Variants in SLC8A1 observed in about 807,000 individuals in gnomAD.
SLC8A1 encodes the protein sodium/calcium exchanger 1.
In SLC8A1, 18 loss-of-function variants were observed where a neutral mutation model predicts 68.3. That is an observed-to-expected ratio of 0.26 (90% confidence interval 0.18 to 0.39). The LOEUF (loss-of-function observed/expected upper bound fraction) is 0.39. SLC8A1 is among the 10% of genes least tolerant of loss of function. The pLI, the probability that SLC8A1 is intolerant of heterozygous loss-of-function variation, is 1.00. For synonymous variants in SLC8A1, 475 were observed against 415.5 expected (o/e 1.14, Z -1.74); for missense variants, 985 against 1,156.7 (o/e 0.85, Z 2.15).
chr2:40,450,263 T>C (rs1702189537), intron 1 of SLC8A1, among the ~76,000 whole-genome samples: 1 of 152,176 alleles, frequency 6.6e-6, no homozygotes, highest in South Asian at 2.1e-4. Context: ...TCTTCTTATT[T>C]GAAATGAATG....
exon 8 of SLC8A1, chr2:40,104,842 G>A (rs1027743767): frequency 4.6e-5 from 7 of 151,984 alleles, no homozygotes; most frequent in Non-Finnish European, 7.4e-5. Context: ...TGGAAAACAC[G>A]CTTGCTAAAC....
chr2:40,227,100 T>A (rs2059079422), intron 2 of SLC8A1, among the ~76,000 whole-genome samples: 1 of 152,164 alleles, frequency 6.6e-6, no homozygotes, highest in Non-Finnish European at 1.5e-5. Context: ...TTATTCTGGC[T>A]GGGTATCAAA....
intron 2 of SLC8A1, among the ~76,000 whole-genome samples, chr2:40,409,849 A>G (rs1691541311): frequency 6.6e-6 from 1 of 152,136 alleles, no homozygotes. Flanking sequence ...TTTGCCTTCA[A>G]TTTCATTACT....
intron 2 of SLC8A1, among the ~76,000 whole-genome samples, chr2:40,301,074 A>C (rs1428936180): frequency 6.6e-6 from 1 of 152,168 alleles, no homozygotes; most frequent in Non-Finnish European, 1.5e-5. Context: ...CAGAGGGCTG[A>C]AGATAGGTGG....
intron 1 of SLC8A1, among the ~76,000 whole-genome samples, chr2:40,448,871 T>A (rs1006562867): frequency 6.6e-6 from 1 of 152,116 alleles, no homozygotes; most frequent in African/African-American, 2.4e-5. Flanking sequence ...AGTAGAGAGA[T>A]AATAGCATGT....
intron 2 of SLC8A1, among the ~76,000 whole-genome samples, chr2:40,397,026 TTGC>T (rs1266544390): frequency 6.6e-6 from 1 of 152,158 alleles, no homozygotes; most frequent in Non-Finnish European, 1.5e-5. Flanking sequence ...TAACTGAAAG[TTGC>T]TGATGAGAAT....
intron 2 of SLC8A1, among the ~76,000 whole-genome samples, chr2:40,211,964 C>G (rs74561773): frequency 0.017 from 2,521 of 152,300 alleles, 81 homozygotes; most frequent in African/African-American, 0.057. Context: ...CACATAATAT[C>G]ATAATTCTAT....
At chr2:40,453,637 G>C (rs113438638), upstream of SLC8A1, among the ~76,000 whole-genome samples, 1,102 of 152,306 alleles carry the variant, frequency 7.2e-3, 17 homozygotes, top group African/African-American at 0.025. Context: ...GTGGGCCCCA[G>C]ACAGCCTTAA....
chr2:40,366,672 G>T (rs965792331), intron 2 of SLC8A1, among the ~76,000 whole-genome samples: 1 of 151,770 alleles, frequency 6.6e-6, no homozygotes, highest in Non-Finnish European at 1.5e-5. Flanking sequence ...CAAAAATTTG[G>T]TCTTTTTCTG....
intron 2 of SLC8A1, among the ~76,000 whole-genome samples, chr2:40,307,705 G>C (rs1281197754): frequency 6.6e-6 from 1 of 152,080 alleles, no homozygotes; most frequent in Non-Finnish European, 1.5e-5. Flanking sequence ...AGGTGTGTCT[G>C]GTCAGTAACA....
intron 2 of SLC8A1, among the ~76,000 whole-genome samples, chr2:40,428,264 A>G (rs1176056088): frequency 1.3e-5 from 2 of 152,160 alleles, no homozygotes. Context: ...ATTCTGATGT[A>G]AATAAATTTA....
chr2:40,254,846 T>TAATTTTGCATATGTTG, intron 2 of SLC8A1: 1 of 152,240 alleles, frequency 6.6e-6, no homozygotes, highest in African/African-American at 2.4e-5. Flanking sequence ...TGTGCAATTG[T>TAATTTTGCATATGTTG]AATTTTGCAT....
At chr2:40,507,373 C>G (rs770963773) in intron 1 of SLC8A1, among the ~76,000 whole-genome samples, 2 of 151,914 alleles carry the variant, frequency 1.3e-5, no homozygotes, top group African/African-American at 4.8e-5. Context: ...CAAAAAATGT[C>G]TACTCAACAC....
intron 2 of SLC8A1, among the ~76,000 whole-genome samples, chr2:40,379,587 A>G (rs1358722427): frequency 4.0e-5 from 6 of 151,386 alleles, no homozygotes; most frequent in Admixed American, 3.3e-4. Flanking sequence ...TATGTTGTGC[A>G]GCCATTTCAC....
At chr2:40,284,407 TTA>T (rs1311525496) in intron 2 of SLC8A1, among the ~76,000 whole-genome samples, 3 of 147,028 alleles carry the variant, frequency 2.0e-5, no homozygotes, top group African/African-American at 7.4e-5. Flanking sequence ...ACACATATAT[TTA>T]TATAGAGAGA....
At chr2:40,414,684 T>C (rs931329573) in intron 2 of SLC8A1, among the ~76,000 whole-genome samples, 1 of 152,220 alleles carries the variant, frequency 6.6e-6, no homozygotes, top group Non-Finnish European at 1.5e-5. Context: ...AGGTACTTTT[T>C]CAATAACTCT....
In SLC8A1 at chr2:40,170,378, C is replaced by G. The variant is rs751428794; in HGVS notation, c.1930+4447G>C. On this transcript the variant is annotated intron_variant, in intron 4 of 7. Transcript: ENST00000406785. ...GCAAAAGGACAGGCAGAAAAATCAG[C>G]AGAATGGATTGCATTGATTTGCTAT... 22 of 1,593,974 alleles carry G rather than the reference C, an allele frequency of 1.4e-5. No individual in the cohort carries two copies. In the African/African-American group the frequency reaches 2.4e-4, roughly 17 times the overall value.
At chr2:40,349,348 G>A (rs905227551) in intron 2 of SLC8A1, among the ~76,000 whole-genome samples, 1 of 152,170 alleles carries the variant, frequency 6.6e-6, no homozygotes, top group Non-Finnish European at 1.5e-5. Context: ...GGCAGGAAGA[G>A]AAAGAGGCAA....
chr2:40,168,192 G>T (rs2046872959), intron 4 of SLC8A1, among the ~76,000 whole-genome samples: 1 of 152,156 alleles, frequency 6.6e-6, no homozygotes, highest in Non-Finnish European at 1.5e-5. Context: ...AGGACTAGGG[G>T]ACCAGGGTTG....
Sources: gnomAD v4.1 joint callset for allele counts (sites outside exome capture counted in the v4.1 genomes callset) on GRCh38, gnomAD v4.1.1 for gene constraint, MANE v1.5 for transcripts, NCBI Gene and HGNC (gene_info 2026-07-23, HGNC 2026-07-21) for gene names.